Variants in RNF41 observed in about 807,000 individuals in gnomAD.
RNF41 encodes ring finger protein 41, also known as E3 ubiquitin-protein ligase NRDP1.
In RNF41, 4 loss-of-function variants were observed where a neutral mutation model predicts 33.0. The observed-to-expected ratio is 0.12, with a 90% CI of 0.06 to 0.28. The LOEUF (loss-of-function observed/expected upper bound fraction) is 0.28. Among genes scored for constraint, RNF41 ranks in the 10% least tolerant of loss-of-function variants. The pLI is 1.00. For missense variants in RNF41, 228 were observed against 432.6 expected (o/e 0.53, Z 4.19); for synonymous variants, 164 against 153.2 (o/e 1.07, Z -0.52).
intron 3 of RNF41, among the ~76,000 whole-genome samples, 197 bp from the exon 4 acceptor site, chr12:56,210,765 G>A (rs995677221): frequency 6.6e-6 from 1 of 152,344 alleles, no homozygotes; most frequent in East Asian, 1.9e-4. Context: ...TTCCTGCTGG[G>A]CACGGTGGCT....
chr12:56,210,362 G>T lies in RNF41; in HGVS notation c.297C>A (p.Leu99=). The change falls in exon 4 of 7, where the codon CTC becomes CTA. Residue 99 remains leucine (L), a synonymous_variant. Coordinates refer to ENST00000345093, the MANE Select transcript of RNF41 (RefSeq NM_005785.4). ...GCSAVVRLDN[L]MSHLSDCEHN... ...GCTCACAGTCGCTGAGGTGAGACAT[G>T]AGGTTGTCAAGCCGGACAACGGCAC... The T allele has an allele frequency of 1.2e-6, 2 of 1,614,206 alleles. No individual in the cohort carries two copies. The highest frequency in any genetic ancestry group is 1.7e-6 in the Non-Finnish European group (2 of 1,180,034).
Position 56,210,557 on chromosome 12 carries a change from A to C in RNF41, c.102T>G (p.Cys34Trp). Reference sequence around the variant, plus strand: ...TGCAGGCGTTGCAGAAAGCATGTTCACAATGAGGTGCCTAGAAGAGAGAAC... The same window carrying C: ...TGCAGGCGTTGCAGAAAGCATGTTCCCAATGAGGTGCCTAGAAGAGAGAAC... Reference protein sequence around the residue: ...VLEEPVQAPHCEHAFCNACIT... With the variant: ...VLEEPVQAPHWEHAFCNACIT... The change falls in exon 4 of 7, where the codon TGT becomes TGG. Residue 34 changes from cysteine (C) to tryptophan (W), a missense_variant. Physicochemically the swap from Cys to Trp is radical, Grantham distance 215. This residue lies in a region of RNF41 where 29 missense variants were observed against 98.0 expected (regional missense o/e 0.30). Transcript: ENST00000345093. 2.5e-6 allele frequency: 4 copies of C among 1,613,132 alleles called. No homozygotes were observed. Among genetic ancestry groups the C allele is most frequent in the Non-Finnish European group, 3.4e-6 (4 of 1,179,980 alleles).
chr12:56,213,580 G>A (rs906580262), intron 3 of RNF41, among the ~76,000 whole-genome samples: 2 of 152,148 alleles, frequency 1.3e-5, no homozygotes, highest in African/African-American at 4.8e-5. Context: ...AATGCAGAGA[G>A]AACTTATTAG....
intron 4 of RNF41, among the ~76,000 whole-genome samples, chr12:56,209,144 C>T (rs1051073061): frequency 2.6e-5 from 4 of 152,160 alleles, no homozygotes; most frequent in Non-Finnish European, 4.4e-5. Context: ...GGATTACAGG[C>T]GTGAGCCACC....
chr12:56,214,388 T>A (rs1039141373), intron 2 of RNF41, among the ~76,000 whole-genome samples: 1 of 148,940 alleles, frequency 6.7e-6, no homozygotes, highest in African/African-American at 2.5e-5. Context: ...GGGTGTGGTA[T>A]GCGCATCTGT....
At chr12:56,207,892 C>A in intron 5 of RNF41, 143 bp from the exon 6 acceptor site, 1 of 768,616 alleles carries the variant, frequency 1.3e-6, no homozygotes. Context: ...AAGACTGTCT[C>A]ACTCACAGCT....
chr12:56,214,058 T>C lies in RNF41; in HGVS notation c.-11A>G, dbSNP rs1284007153. 3.7e-6 allele frequency: 6 copies of C among 1,600,182 alleles called. No homozygotes were observed. Among genetic ancestry groups the C allele is most frequent in the African/African-American group, 2.7e-5 (2 of 74,756 alleles). ...TACATCATACCCCATGTCTCATCAC[T>C]GAAACCCAGGTCCTGAAAGGACAAC... On this transcript the variant is annotated 5_prime_UTR_variant, in exon 3 of 7. Transcript: ENST00000345093.
intron 2 of RNF41, among the ~76,000 whole-genome samples, chr12:56,214,528 A>C (rs1423829368): frequency 1.3e-4 from 19 of 149,200 alleles, no homozygotes; most frequent in Non-Finnish European, 5.9e-5. Flanking sequence ...TCTAAAAAAA[A>C]AAAAAAAATT....
At chr12:56,217,135 G>A (rs1300609094) in intron 1 of RNF41, among the ~76,000 whole-genome samples, 5 of 143,924 alleles carry the variant, frequency 3.5e-5, no homozygotes, top group East Asian at 2.0e-4. Context: ...GCAAGACTCC[G>A]TCTTAAAAAA....
intron 6 of RNF41, 77 bp downstream of exon 6, chr12:56,207,569 G>T: frequency 8.9e-7 from 1 of 1,127,422 alleles, no homozygotes; most frequent in Non-Finnish European, 1.4e-6. Flanking sequence ...CCCTCCTTCT[G>T]CTACTCTCCT....
Position 56,214,018 on chromosome 12 carries a change from C to A in RNF41, c.30G>T (p.Gly10=), listed in dbSNP as rs766765346. Residue 10 remains glycine (G), a synonymous_variant, in exon 3 of 7, where the codon GGG becomes GGT. Coordinates refer to ENST00000345093, the MANE Select transcript of RNF41 (RefSeq NM_005785.4). MGYDVTRFQ[G]DVDEDLICPI... The stretch of plus-strand genomic sequence containing the variant: ...GGCAGATAAGATCTTCGTCAACATC[C>A]CCCTGGAAACGGGTTACATCATACC... The A allele has an allele frequency of 1.7e-5, 27 of 1,613,866 alleles. No homozygotes were observed. Among genetic ancestry groups the A allele is most frequent in the Non-Finnish European group, 2.2e-5 (26 of 1,179,880 alleles).
Position 56,206,446 on chromosome 12 carries a change from C to A in RNF41, c.*1G>T, listed in dbSNP as rs117727558. 312 of 1,606,688 alleles carry A rather than the reference C, an allele frequency of 1.9e-4. No individual in the cohort carries two copies. The African/African-American group carries it at 3.6e-3, about 18-fold the overall frequency. On this transcript the variant is annotated 3_prime_UTR_variant, in exon 7 of 7. Transcript: ENST00000345093. The surrounding 1 kb of genome is among the most constrained non-coding windows in gnomAD (Gnocchi z 5.7). ...TCTTCCTGATAGCCAGTCGAGTTCT[C>A]TTATATCTCTTCCACGCCATGCGCA...
At chr12:56,210,184 C>T in intron 4 of RNF41, 113 bp downstream of exon 4, 2 of 1,156,286 alleles carry the variant, frequency 1.7e-6, no homozygotes, top group Non-Finnish European at 2.5e-6. Context: ...GCTAAGAATA[C>T]TCCTTGCCAA....
intron 4 of RNF41, 42 bp from the exon 5 acceptor site, chr12:56,208,340 C>T (rs767364182): frequency 6.2e-7 from 1 of 1,607,000 alleles, no homozygotes; most frequent in East Asian, 2.2e-5. Flanking sequence ...GAGGTGATCC[C>T]TGGGACATGT....
intron 6 of RNF41, chr12:56,207,030 T>C (rs1267022359): frequency 1.1e-5 from 14 of 1,224,258 alleles, no homozygotes. Context: ...CTCTGTTACT[T>C]TTCTTTGAAA....
chr12:56,210,574 A>G lies in RNF41; in HGVS notation c.91-6T>C, dbSNP rs766137822. On this transcript the variant is annotated splice_polypyrimidine_tract_variant and splice_region_variant and intron_variant, in intron 3 of 6. Coordinates refer to ENST00000345093, the MANE Select transcript of RNF41 (RefSeq NM_005785.4). ...GCATGTTCACAATGAGGTGCCTAGA[A>G]GAGAGAACAAGGCAAAAGGGGCGCA... is the stretch of plus-strand genomic sequence containing the variant. 1.1e-5 allele frequency: 17 copies of G among 1,610,618 alleles called. No individual in the cohort carries two copies. The highest frequency in any genetic ancestry group is 1.4e-5 in the Non-Finnish European group (16 of 1,179,686).
Position 56,204,927 on chromosome 12 carries a change from A to C in RNF41, c.*1520T>G, listed in dbSNP as rs1383662729. The C allele has an allele frequency of 6.6e-6, 1 of 152,398 alleles. No individual in the cohort carries two copies. The highest frequency in any genetic ancestry group is 1.5e-5 in the Non-Finnish European group (1 of 68,044). The allele number at this position is 152,398 out of a possible 1,614,324, so 9.4% of individuals were successfully genotyped here. On this transcript the variant is annotated 3_prime_UTR_variant, in exon 7 of 7. Transcript: ENST00000345093. Reference sequence around the variant, plus strand: ...ACCACACTCCCACCTCCATATTAAAATAATCACACCTATTATCTCTCCCCT... The same window carrying C: ...ACCACACTCCCACCTCCATATTAAACTAATCACACCTATTATCTCTCCCCT...
At chr12:56,217,801 G>A (rs766324523) in intron 1 of RNF41, among the ~76,000 whole-genome samples, 9 of 152,034 alleles carry the variant, frequency 5.9e-5, no homozygotes, top group South Asian at 2.1e-4. Flanking sequence ...AGGGATCTAG[G>A]TTGCCCACTC....
chr12:56,219,187 A>T (rs1255684014), intron 1 of RNF41, among the ~76,000 whole-genome samples: 3 of 145,608 alleles, frequency 2.1e-5, no homozygotes, highest in African/African-American at 2.5e-5. Context: ...TATTTTATTT[A>T]TTTATTTATT....
Sources: gnomAD v4.1 joint callset for allele counts (sites outside exome capture counted in the v4.1 genomes callset) on GRCh38, gnomAD v4.1.1 for gene constraint, gnomAD v4.1.1 regional missense constraint, Gnocchi (gnomAD v3.1) non-coding constraint, MANE v1.5 for transcripts, NCBI Gene and HGNC (gene_info 2026-07-23, HGNC 2026-07-21) for gene names.